RNF212B: variants seen among roughly 807,000 people sequenced by gnomAD.
RNF212B encodes ring finger protein 212B.
In RNF212B, 52 loss-of-function variants were observed where a neutral mutation model predicts 55.5. The observed-to-expected ratio is 0.94, with a 90% CI of 0.75 to 1.18. The LOEUF (loss-of-function observed/expected upper bound fraction) is 1.18. Among genes scored for constraint, RNF212B ranks in the 50% most tolerant of loss-of-function variants. The pLI, the probability that RNF212B is intolerant of heterozygous loss-of-function variation, is 0.00. For missense variants in RNF212B, 289 were observed against 350.4 expected (o/e 0.82, Z 1.40); for synonymous variants, 99 against 121.4 (o/e 0.82, Z 1.21).
At chr14:23,207,441 G>A (rs1222903503) in intron 2 of RNF212B, among the ~76,000 whole-genome samples, 2 of 152,186 alleles carry the variant, frequency 1.3e-5, no homozygotes, top group Admixed American at 1.3e-4. Context: ...TTGCCTTCCT[G>A]TTGGAAGCAA....
At chr14:23,225,539 G>C (rs902825279) in intron 2 of RNF212B, among the ~76,000 whole-genome samples, 6 of 152,156 alleles carry the variant, frequency 3.9e-5, no homozygotes, top group African/African-American at 1.4e-4. Context: ...ATTATGTTAA[G>C]TGAAAAAAGC....
At chr14:23,270,739 G>C in intron 14 of RNF212B, 78 bp downstream of exon 14, 1 of 934,136 alleles carries the variant, frequency 1.1e-6, no homozygotes, top group South Asian at 1.4e-5. Context: ...CCTCAGGGTA[G>C]TGGAATATAA....
At chr14:23,236,957 C>G (rs1270208117), upstream of RNF212B, among the ~76,000 whole-genome samples, 1 of 140,932 alleles carries the variant, frequency 7.1e-6, no homozygotes, top group Non-Finnish European at 1.5e-5. Flanking sequence ...TATTCTGTCT[C>G]TCTCTTTTTT....
At chr14:23,262,771 A>G in intron 8 of RNF212B, 60 bp downstream of exon 8, 1 of 1,501,452 alleles carries the variant, frequency 6.7e-7, no homozygotes, top group Non-Finnish European at 9.1e-7. Flanking sequence ...CTTATGTAGA[A>G]GATGGTTTCC....
Position 23,245,036 on chromosome 14 carries a change from T to TAA in RNF212B, c.228+640_228+641insAA, listed in dbSNP as rs1287000684. On this transcript the variant is annotated intron_variant, in intron 4 of 14. Transcript: ENST00000430154. ...CCAAGTTGTAAAAACTTTGGTTTTT[T>TAA]TCCTTCTACTCCCCATTTCTCTTAG... is the stretch of plus-strand genomic sequence containing the variant. Among the ~76,000 whole-genome samples, 31 of 152,290 alleles carry TAA rather than the reference T, an allele frequency of 2.0e-4. No individual in the cohort carries two copies. In the East Asian group the frequency reaches 4.0e-3, roughly 20 times the overall value.
Position 23,243,321 on chromosome 14 carries a change from C to T in RNF212B, c.153+13C>T. 3.2e-6 allele frequency: 5 copies of T among 1,546,812 alleles called. No individual in the cohort carries two copies. Among genetic ancestry groups the T allele is most frequent in the Non-Finnish European group, 4.4e-6 (5 of 1,143,664 alleles). On this transcript the variant is annotated intron_variant, in intron 3 of 14. Transcript: ENST00000430154. The stretch of plus-strand genomic sequence containing the variant: ...TCTTTCTGATAATGTAAGTTTTTCT[C>T]CCCCTGCCACAAACTGTCTCATCCC...
chr14:23,217,395 G>C (rs966655430), intron 2 of RNF212B, among the ~76,000 whole-genome samples: 1 of 152,194 alleles, frequency 6.6e-6, no homozygotes, highest in Non-Finnish European at 1.5e-5. Context: ...GGTTCCCAGA[G>C]AGCATCTCTG....
At chr14:23,250,232 C>A (rs1390477494) in intron 4 of RNF212B, among the ~76,000 whole-genome samples, 1 of 152,150 alleles carries the variant, frequency 6.6e-6, no homozygotes, top group Non-Finnish European at 1.5e-5. Context: ...CTAATCCCAG[C>A]ACTTTTGGAG....
intron 1 of RNF212B, among the ~76,000 whole-genome samples, chr14:23,190,315 T>G (rs899535448): frequency 7.2e-5 from 11 of 152,242 alleles, no homozygotes; most frequent in African/African-American, 2.2e-4. Context: ...ACCTAATTGA[T>G]GTCTCTGTTT....
At chr14:23,217,246 TGGCAGTGGTGGG>T (rs1881170618) in intron 2 of RNF212B, among the ~76,000 whole-genome samples, 1 of 147,414 alleles carries the variant, frequency 6.8e-6, no homozygotes, top group Non-Finnish European at 1.5e-5. Flanking sequence ...GTGGCAGTGG[TGGCAGTGGTGGG>T]GGGGGGGCTC....
chr14:23,202,998 G>A (rs1879460159), intron 2 of RNF212B, among the ~76,000 whole-genome samples: 1 of 151,872 alleles, frequency 6.6e-6, no homozygotes, highest in Non-Finnish European at 1.5e-5. Flanking sequence ...TTTTTCCATA[G>A]GTTTTTTGGG....
rs1726702668 is a variant in RNF212B at position 23,260,671 on chromosome 14, C to T, written c.418C>T (p.Arg140Trp). The T allele has an allele frequency of 3.2e-6, 5 of 1,550,334 alleles. No homozygotes were observed. The highest frequency in any genetic ancestry group is 2.4e-5 in the South Asian group (2 of 84,050). ...TTTTCACCTATAGGAATCTCCAAGTCGGTACCAAGGAAGCAGGTCAGTTTT... is the reference window on the plus strand; with the variant it reads ...TTTTCACCTATAGGAATCTCCAAGTTGGTACCAAGGAAGCAGGTCAGTTTT... ...FLAILKESPS[R>W]YQGSRSITPR... is the part of the protein sequence containing the mutation. Residue 140 changes from arginine (R) to tryptophan (W), a missense_variant, in exon 7 of 15, where the codon CGG becomes TGG. Coordinates refer to ENST00000430154, the MANE Select transcript of RNF212B (RefSeq NM_001282322.3).
In RNF212B at chr14:23,239,912, C is replaced by T. The variant is rs533522420; in HGVS notation, c.-1-433C>T. ...GGGATTACAGGCGTGAGCCACTGTG[C>T]TTGGCCAGGATTGTATTTTCTAATT... is the stretch of plus-strand genomic sequence containing the variant. On this transcript the variant is annotated intron_variant, in intron 1 of 14. Coordinates refer to ENST00000430154, the MANE Select transcript of RNF212B (RefSeq NM_001282322.3). Among the ~76,000 whole-genome samples, 4 of 152,022 alleles carry T rather than the reference C, an allele frequency of 2.6e-5. No homozygotes were observed. The South Asian group carries it at 8.3e-4, about 32-fold the overall frequency.
At chr14:23,252,078 G>C (rs1455078822) in intron 4 of RNF212B, among the ~76,000 whole-genome samples, 1 of 147,966 alleles carries the variant, frequency 6.8e-6, no homozygotes, top group African/African-American at 2.5e-5. Flanking sequence ...TTCCCTCTCT[G>C]ATTGTCAGGG....
intron 2 of RNF212B, among the ~76,000 whole-genome samples, chr14:23,205,292 C>A (rs1465971913): frequency 2.1e-5 from 3 of 140,400 alleles, no homozygotes; most frequent in South Asian, 2.3e-4. Flanking sequence ...AAATTTTTCT[C>A]TTTTTTTTAA....
At chr14:23,271,390 C>T (rs1886068180) in intron 14 of RNF212B, among the ~76,000 whole-genome samples, 1 of 151,626 alleles carries the variant, frequency 6.6e-6, no homozygotes, top group African/African-American at 2.4e-5. Context: ...TTGCAGTGAG[C>T]CGAGATTGCG....
intron 1 of RNF212B, among the ~76,000 whole-genome samples, chr14:23,189,363 A>G (rs145420494): frequency 6.6e-6 from 1 of 152,096 alleles, no homozygotes; most frequent in Non-Finnish European, 1.5e-5. Context: ...TATCTCCCCT[A>G]TTTGTGCACT....
chr14:23,198,334 G>A lies in RNF212B; in HGVS notation c.-2+4933G>A, dbSNP rs985994745. ...TAATGAAATTAACAATAATTCCTTG[G>A]TATCAACTAATATCCAGTTTATAAT... On this transcript the variant is annotated intron_variant, in intron 2 of 15. Coordinates refer to the RNF212B transcript ENST00000399910. 3.3e-5 allele frequency among the ~76,000 whole-genome samples: 5 copies of A among 152,066 alleles called. No individual in the cohort carries two copies. The East Asian group carries it at 7.7e-4, about 23-fold the overall frequency.
chr14:23,207,177 A>G (rs900285996), intron 2 of RNF212B, among the ~76,000 whole-genome samples: 25 of 152,220 alleles, frequency 1.6e-4, no homozygotes, highest in Non-Finnish European at 3.5e-4. Flanking sequence ...ATCACACAAC[A>G]TACGATTTCT....
Sources: allele counts gnomAD v4.1 joint callset (sites outside exome capture counted in the v4.1 genomes callset), GRCh38; gene constraint gnomAD v4.1.1; transcripts MANE v1.5; gene names NCBI Gene and HGNC (gene_info 2026-07-23, HGNC 2026-07-21).